Variants in DMD observed in about 807,000 individuals in gnomAD.
The protein encoded by DMD is dystrophin.
In DMD, 63 loss-of-function variants were observed where a neutral mutation model predicts 330.1. That is an observed-to-expected ratio of 0.19 (90% CI 0.16 to 0.24). The LOEUF is 0.24. DMD is among the 10% of genes least tolerant of loss of function. The pLI, the probability that DMD is intolerant of heterozygous loss-of-function variation, is 1.00. For synonymous variants in DMD, 1,223 were observed against 959.8 expected (o/e 1.27, Z -5.07); for missense variants, 3,344 against 2,684.1 (o/e 1.25, Z -5.43).
intron 1 of DMD, among the ~76,000 whole-genome samples, chrX:33,033,486 G>A (rs750335471): frequency 1.9e-5 from 2 of 105,894 alleles, no homozygotes; most frequent in African/African-American, 7.1e-5. Context: ...CGAGGTGGGC[G>A]GATCACAAGG....
At chrX:33,283,266 C>T (rs748029168) in intron 1 of DMD, among the ~76,000 whole-genome samples, 23 of 111,866 alleles carry the variant, frequency 2.1e-4, no homozygotes, top group African/African-American at 7.5e-4. Flanking sequence ...TGGTCAAATG[C>T]GGTGGCTCAC....
intron 13 of DMD, among the ~76,000 whole-genome samples, chrX:32,587,751 C>T (rs1228838655): frequency 4.5e-5 from 5 of 111,480 alleles, no homozygotes; most frequent in Non-Finnish European, 9.4e-5. Context: ...AACAGCTCAC[C>T]ACTTTCCACA....
At chrX:31,806,064 C>A (rs747120723) in intron 50 of DMD, among the ~76,000 whole-genome samples, 4 of 111,962 alleles carry the variant, frequency 3.6e-5, no homozygotes, top group Non-Finnish European at 5.6e-5. Flanking sequence ...GATCTTCTGG[C>A]TTGTAAAACC....
chrX:32,507,306 G>A lies in DMD; in HGVS notation c.2293-5464C>T, dbSNP rs761399107. Among the ~76,000 whole-genome samples, 3 of 111,509 alleles carry A rather than the reference G, an allele frequency of 2.7e-5. No individual in the cohort carries two copies. In the East Asian group the frequency reaches 8.4e-4, roughly 31 times the overall value. On this transcript the variant is annotated intron_variant, in intron 18 of 78. Transcript: ENST00000357033. Reference sequence around the variant, plus strand: ...AGAGTTATCTTCTCCTATCAGAGGGGTTTCTATTTTATCTACATTGAGCTT... The same window carrying A: ...AGAGTTATCTTCTCCTATCAGAGGGATTTCTATTTTATCTACATTGAGCTT...
intron 47 of DMD, among the ~76,000 whole-genome samples, chrX:31,925,193 C>T (rs1376359198): frequency 9.0e-6 from 1 of 110,772 alleles, no homozygotes; most frequent in Non-Finnish European, 1.9e-5. Context: ...AAAATAAATC[C>T]CCATTTTAAT....
chrX:31,771,379 AACATT>A (rs2090326334), intron 51 of DMD, among the ~76,000 whole-genome samples: 1 of 110,076 alleles, frequency 9.1e-6, no homozygotes, highest in South Asian at 3.7e-4. Context: ...GTAATATATG[AACATT>A]ACATATCATT....
chrX:31,478,037 C>T, intron 59 of DMD, 69 bp downstream of exon 59: 3 of 1,119,746 alleles, frequency 2.7e-6, no homozygotes, highest in Non-Finnish European at 3.6e-6. Flanking sequence ...GATAACACTG[C>T]ACTCAAGTTC....
At chrX:32,723,856 C>G (rs1433041088) in intron 7 of DMD, among the ~76,000 whole-genome samples, 1 of 108,622 alleles carries the variant, frequency 9.2e-6, no homozygotes, top group African/African-American at 3.4e-5. Context: ...TACACTAACA[C>G]TAACAATAGC....
intron 9 of DMD, among the ~76,000 whole-genome samples, chrX:32,673,031 ATGTG>A (rs1433922925): frequency 2.2e-4 from 24 of 111,105 alleles, no homozygotes; most frequent in Non-Finnish European, 3.8e-4. Flanking sequence ...TGTTTTCTGT[ATGTG>A]TGTGTATGTG....
intron 2 of DMD, among the ~76,000 whole-genome samples, chrX:32,959,328 A>T (rs1048028423): frequency 6.3e-5 from 7 of 111,360 alleles, no homozygotes; most frequent in Non-Finnish European, 1.3e-4. Flanking sequence ...TAATAGCTAC[A>T]TTCTGATGAC....
chrX:31,636,242 C>T (rs1480799611), intron 54 of DMD, among the ~76,000 whole-genome samples: 3 of 111,217 alleles, frequency 2.7e-5, no homozygotes, highest in Non-Finnish European at 5.7e-5. Flanking sequence ...CTAATGTGTA[C>T]TACGCTTAAT....
chrX:32,439,399 T>G (rs1323033361), intron 28 of DMD, among the ~76,000 whole-genome samples: 1 of 111,325 alleles, frequency 9.0e-6, no homozygotes, highest in Non-Finnish European at 1.9e-5. Flanking sequence ...CCATCAAATT[T>G]TTGAGTAGAA....
At chrX:31,226,279 A>G (rs1024033102) in intron 63 of DMD, among the ~76,000 whole-genome samples, 2 of 112,013 alleles carry the variant, frequency 1.8e-5, no homozygotes, top group Non-Finnish European at 3.8e-5. Flanking sequence ...CTGTATACCA[A>G]CACCATCCTG....
At chrX:32,611,840 T>G (rs918494462) in intron 12 of DMD, among the ~76,000 whole-genome samples, 5 of 112,078 alleles carry the variant, frequency 4.5e-5, no homozygotes, top group African/African-American at 1.6e-4. Flanking sequence ...TCCAAAAGTA[T>G]TGGACACATT....
chrX:31,806,170 G>A (rs1008567145), intron 50 of DMD, among the ~76,000 whole-genome samples: 2 of 111,994 alleles, frequency 1.8e-5, no homozygotes, highest in African/African-American at 3.2e-5. Flanking sequence ...TATACCTCCC[G>A]CTGAAACAGT....
rs995550377 is a variant in DMD, at chrX:32,626,353, G to A, written c.1332-11900C>T. On this transcript the variant is annotated intron_variant, in intron 11 of 78. Coordinates refer to ENST00000357033, the MANE Select transcript of DMD (RefSeq NM_004006.3). ...GTGGTGGCAAGCACTTTTTAATCCC[G>A]GCTACTCAGGAGGCTGAGGCAGGAG... Among the ~76,000 whole-genome samples the A allele has an allele frequency of 1.5e-4, 16 of 104,862 alleles. 3 individuals carry two copies. Among genetic ancestry groups the A allele is most frequent in the African/African-American group, 6.4e-4 (16 of 25,021 alleles). 91.1% of individuals were successfully genotyped at this position (104,862 alleles called of 115,157 possible).
chrX:31,642,392 G>T (rs1013439195), intron 54 of DMD, among the ~76,000 whole-genome samples: 1 of 112,096 alleles, frequency 8.9e-6, no homozygotes, highest in African/African-American at 3.2e-5. Flanking sequence ...TGGATATCAT[G>T]TTGTAAAACA....
intron 7 of DMD, among the ~76,000 whole-genome samples, chrX:32,762,168 G>GA (rs368649350): frequency 7.3e-4 from 71 of 97,867 alleles, no homozygotes; most frequent in East Asian, 4.4e-3. Flanking sequence ...GAAAAAAAAA[G>GA]AAAAAAAAAA....
At chrX:32,609,387 T>C (rs1415068239) in intron 12 of DMD, among the ~76,000 whole-genome samples, 2 of 111,215 alleles carry the variant, frequency 1.8e-5, no homozygotes, top group African/African-American at 6.5e-5. Flanking sequence ...CTACTGCAAA[T>C]GCCTGAGTCT....
Sources: gnomAD v4.1 joint callset for allele counts (sites outside exome capture counted in the v4.1 genomes callset) on GRCh38, gnomAD v4.1.1 for gene constraint, MANE v1.5 for transcripts, NCBI Gene and HGNC (gene_info 2026-07-23, HGNC 2026-07-21) for gene names.